The following TBC1D32 variants were observed in gnomAD, a reference collection of about 807,000 sequenced individuals.
TBC1D32 encodes protein broad-minded.
Under a neutral mutation model 170.3 loss-of-function variants are expected in TBC1D32, and 151 were observed. The observed-to-expected ratio is 0.89, with a 90% CI of 0.78 to 1.01. The LOEUF is 1.01. Among genes scored for constraint, TBC1D32 ranks in the 50% least tolerant of loss-of-function variants. TBC1D32 has a pLI of 0.00. For missense variants in TBC1D32, 1,464 were observed against 1,457.1 expected (o/e 1.00, Z -0.08); for synonymous variants, 498 against 488.0 (o/e 1.02, Z -0.27).
chr6:121,095,809 G>T (rs924117361), intron 30 of TBC1D32: 1 of 152,124 alleles, frequency 6.6e-6, no homozygotes, highest in Non-Finnish European at 1.5e-5. Context: ...TAAGCTTTTC[G>T]ATGTGCTACT....
chr6:121,230,153 A>G (rs1795559469), intron 20 of TBC1D32, among the ~76,000 whole-genome samples: 1 of 152,146 alleles, frequency 6.6e-6, no homozygotes, highest in Non-Finnish European at 1.5e-5. Context: ...AAGGCACAAT[A>G]AATGCTGTTA....
intron 24 of TBC1D32, among the ~76,000 whole-genome samples, chr6:121,152,946 G>C (rs1006198825): frequency 2.0e-5 from 3 of 152,092 alleles, no homozygotes; most frequent in African/African-American, 7.2e-5. Flanking sequence ...GGATTAGAAA[G>C]TGCTCCTTTA....
chr6:121,117,658 T>C (rs1343207365), intron 26 of TBC1D32, among the ~76,000 whole-genome samples: 2 of 152,034 alleles, frequency 1.3e-5, no homozygotes, highest in African/African-American at 4.8e-5. Context: ...GCTGAGATCA[T>C]GCCACTGAAC....
intron 24 of TBC1D32, among the ~76,000 whole-genome samples, chr6:121,153,334 G>A (rs560606656): frequency 6.6e-6 from 1 of 152,314 alleles, no homozygotes; most frequent in African/African-American, 2.4e-5. Flanking sequence ...TTGCAGAACA[G>A]CAAAGATTGC....
intron 19 of TBC1D32, among the ~76,000 whole-genome samples, chr6:121,241,241 C>G (rs990921758): frequency 2.7e-4 from 41 of 151,948 alleles, no homozygotes; most frequent in African/African-American, 9.7e-4. Context: ...GGCAACAGAA[C>G]AAGGTTGTAT....
intron 10 of TBC1D32, 57 bp from the exon 11 acceptor site, chr6:121,294,717 TAAAAG>T: frequency 7.8e-7 from 1 of 1,277,158 alleles, no homozygotes; most frequent in Non-Finnish European, 1.1e-6. Flanking sequence ...GTCCAAGAAT[TAAAAG>T]AAATTAGTCA....
chr6:121,163,064 A>G (rs1213084544), intron 22 of TBC1D32: 3 of 17,502 alleles, frequency 1.7e-4, no homozygotes, highest in African/African-American at 4.1e-4. Context: ...CCTGGCTCAG[A>G]GGGTCCTACG....
At chr6:121,097,635 A>T (rs624687) in intron 30 of TBC1D32, among the ~76,000 whole-genome samples, 18 of 151,848 alleles carry the variant, frequency 1.2e-4, no homozygotes, top group African/African-American at 4.4e-4. Context: ...GACAGTGTGG[A>T]GATTCCTCAA....
At position 121,198,893 on chromosome 6, in the gene TBC1D32, G is replaced by A. The variant is rs888545938; in HGVS notation, c.2570+6182C>T. Among the ~76,000 whole-genome samples, 4 of 151,356 alleles carry A rather than the reference G, an allele frequency of 2.6e-5. No homozygotes were observed. In the East Asian group the frequency reaches 7.7e-4, roughly 29 times the overall value. On this transcript the variant is annotated intron_variant, in intron 22 of 31. Coordinates refer to ENST00000398212, the MANE Select transcript of TBC1D32 (RefSeq NM_152730.6). ...AAATAAAGAATTAGCAAAAATGAAC[G>A]ACACAAAAGGAATCCCAAAATAAAA... is the stretch of plus-strand genomic sequence containing the variant.
chr6:121,113,389 C>T (rs1405677414), intron 27 of TBC1D32, among the ~76,000 whole-genome samples: 3 of 152,086 alleles, frequency 2.0e-5, no homozygotes, highest in African/African-American at 2.4e-5. Context: ...AATGAGAGAA[C>T]AACATGATGA....
chr6:121,322,143 G>C (rs942745789), intron 1 of TBC1D32, among the ~76,000 whole-genome samples: 1 of 152,014 alleles, frequency 6.6e-6, no homozygotes, highest in Non-Finnish European at 1.5e-5. Flanking sequence ...TCAGTTATTC[G>C]AGCTGATGAG....
chr6:121,132,483 C>T (rs557511851), intron 24 of TBC1D32, among the ~76,000 whole-genome samples: 4 of 152,086 alleles, frequency 2.6e-5, no homozygotes, highest in Non-Finnish European at 2.9e-5. Flanking sequence ...AATTTAGTCA[C>T]ATTTTCACAG....
In TBC1D32 at chr6:121,242,320, A is replaced by G. The variant is rs565237781; in HGVS notation, c.2038T>C (p.Leu680=). 6.2e-7 allele frequency: 1 copy of G among 1,612,818 alleles called. No homozygotes were observed. The highest frequency in any genetic ancestry group is 1.1e-5 in the South Asian group (1 of 90,938). Residue 680 remains leucine, a synonymous_variant, in exon 18 of 32, where the codon TTG becomes CTG. Coordinates refer to ENST00000398212, the MANE Select transcript of TBC1D32 (RefSeq NM_152730.6). ...GCAAAATGTAGTAAATCATCTAACA[A>G]ATTATCTTCCCAAGCCATACTGAAA... The part of the protein sequence containing the change: ...SQNIMAWEDN[L]LDDLLHFAAT...
intron 3 of TBC1D32, among the ~76,000 whole-genome samples, chr6:121,312,184 G>A (rs140619872): frequency 2.0e-5 from 3 of 152,110 alleles, no homozygotes; most frequent in East Asian, 3.9e-4. Context: ...CACACACTGG[G>A]GCCTGTCAGG....
chr6:121,281,502 C>A lies in TBC1D32; in HGVS notation c.1608+42G>T, dbSNP rs750040364. ...AGTCCCACTGAGTATCCACTAATAC[C>A]CAGGTAAGAGACTCTTTTTCTCCTT... is the stretch of plus-strand genomic sequence containing the variant. On this transcript the variant is annotated intron_variant, in intron 14 of 31. Coordinates refer to ENST00000398212, the MANE Select transcript of TBC1D32 (RefSeq NM_152730.6). 3 of 1,526,036 alleles carry A rather than the reference C, an allele frequency of 2.0e-6. No individual in the cohort carries two copies. The East Asian group carries it at 7.1e-5, about 36-fold the overall frequency. The allele number at this position is 1,526,036 out of a possible 1,614,324, so 94.5% of individuals were successfully genotyped here.
At chr6:121,297,576 G>T (rs954622108) in intron 10 of TBC1D32, among the ~76,000 whole-genome samples, 2 of 151,976 alleles carry the variant, frequency 1.3e-5, no homozygotes, top group Admixed American at 6.6e-5. Flanking sequence ...ACCAGTTCAT[G>T]TCTTTCAGAT....
At chr6:121,180,940 G>T (rs1486820844) in intron 22 of TBC1D32, among the ~76,000 whole-genome samples, 2 of 151,810 alleles carry the variant, frequency 1.3e-5, no homozygotes, top group African/African-American at 4.8e-5. Flanking sequence ...ATATAAACAG[G>T]TATTTCTCAA....
At chr6:121,310,691 G>T in intron 4 of TBC1D32, 88 bp downstream of exon 4, 4 of 867,660 alleles carry the variant, frequency 4.6e-6, no homozygotes, top group South Asian at 4.5e-5. Context: ...AGCCTCAAGG[G>T]AAACAACCTG....
chr6:121,170,371 C>T, intron 22 of TBC1D32: 1 of 1,545,362 alleles, frequency 6.5e-7, no homozygotes, highest in Admixed American at 2.1e-5. Flanking sequence ...CTAAAGAAAA[C>T]TGCTGTTACT....
Sources: gnomAD v4.1 joint callset for allele counts (sites outside exome capture counted in the v4.1 genomes callset) on GRCh38, gnomAD v4.1.1 for gene constraint, MANE v1.5 for transcripts, NCBI Gene and HGNC (gene_info 2026-07-23, HGNC 2026-07-21) for gene names.